Variants in ENPP1 observed in about 807,000 individuals in gnomAD.
ENPP1 encodes the protein ectonucleotide pyrophosphatase/phosphodiesterase family member 1.
In ENPP1, 73 loss-of-function variants were observed where a neutral mutation model predicts 122.8. That is an observed-to-expected ratio of 0.59 (90% CI 0.49 to 0.72). The LOEUF (loss-of-function observed/expected upper bound fraction) is 0.72, where lower values mean the gene tolerates loss of function less well. ENPP1 is among the 30% of genes least tolerant of loss of function. The pLI is 0.00. For synonymous variants in ENPP1, 367 were observed against 391.6 expected, an observed-to-expected ratio of 0.94 and a Z score of 0.74; for missense variants, 978 against 1,128.1, an observed-to-expected ratio of 0.87 and a Z score of 1.91.
chr6:131,845,043 GTTTTTTTTTTTT>G (rs142380855), intron 1 of ENPP1, among the ~76,000 whole-genome samples: 7 of 84,984 alleles, frequency 8.2e-5, no homozygotes, highest in South Asian at 3.9e-4. Flanking sequence ...ATTCTTCATG[GTTTTTTTTTTTT>G]TTTTTTTTTT....
Position 131,891,673 on chromosome 6 carries a change from G to A in ENPP1, c.*1162G>A, listed in dbSNP as rs891815723. 6.6e-6 allele frequency: 1 copy of A among 151,530 alleles called. No homozygotes were observed. The allele number at this position is 151,530 out of a possible 1,614,324, so 9.4% of individuals were successfully genotyped here. The stretch of plus-strand genomic sequence containing the variant: ...TCCTTCGTGTGACCATTCTTCAACG[G>A]CCTAAGGGCCAGCTGCAAAGACTTT... On this transcript the variant is annotated 3_prime_UTR_variant, in exon 25 of 25. Transcript: ENST00000647893.
intron 1 of ENPP1, among the ~76,000 whole-genome samples, chr6:131,835,517 A>G (rs1251468760): frequency 6.6e-6 from 1 of 152,096 alleles, no homozygotes; most frequent in African/African-American, 2.4e-5. Context: ...CCAAATCTAT[A>G]CTATGTTTAT....
intron 1 of ENPP1, among the ~76,000 whole-genome samples, chr6:131,847,476 A>G (rs1781823790): frequency 6.6e-6 from 1 of 152,180 alleles, no homozygotes; most frequent in Non-Finnish European, 1.5e-5. Context: ...CCCAGACTGG[A>G]AAAAAGAACA....
At chr6:131,824,738 G>A (rs1035333336) in intron 1 of ENPP1, among the ~76,000 whole-genome samples, 5 of 151,540 alleles carry the variant, frequency 3.3e-5, no homozygotes, top group South Asian at 4.3e-4. Flanking sequence ...ACAAGTATGA[G>A]CCACCGTGCC....
chr6:131,873,730 G>A lies in ENPP1; in HGVS notation c.1566-538G>A, dbSNP rs115120196. ...TAGTCATGATACATACCCCTGTCAA[G>A]CAAAACCTAAGCAGTGAACCAAAAT... On this transcript the variant is annotated intron_variant, in intron 15 of 24. Coordinates refer to ENST00000647893, the MANE Select transcript of ENPP1 (RefSeq NM_006208.3). 6.6e-3 allele frequency among the ~76,000 whole-genome samples: 998 copies of A among 151,818 alleles called. 26 individuals are homozygous for A. Among genetic ancestry groups the A allele is most frequent in the African/African-American group, 0.023 (955 of 41,382 alleles).
At chr6:131,816,494 G>A (rs1781416413) in intron 1 of ENPP1, among the ~76,000 whole-genome samples, 1 of 152,118 alleles carries the variant, frequency 6.6e-6, no homozygotes, top group Non-Finnish European at 1.5e-5. Flanking sequence ...GACCCAGCTC[G>A]AAAATCCCTT....
intron 1 of ENPP1, among the ~76,000 whole-genome samples, chr6:131,832,410 T>A (rs1045667493): frequency 1.3e-5 from 2 of 152,194 alleles, no homozygotes; most frequent in Non-Finnish European, 2.9e-5. Flanking sequence ...AATAACCAGG[T>A]TATTCCCTCA....
rs566146715 is a variant in ENPP1, at chr6:131,863,392, C to T, written c.1026-1114C>T. Reference sequence around the variant, plus strand: ...CTTTGGCCGATTTGAGCAAGATTACCGAAATAATTTTATTTATTTTTAAAT... The same window carrying T: ...CTTTGGCCGATTTGAGCAAGATTACTGAAATAATTTTATTTATTTTTAAAT... On this transcript the variant is annotated intron_variant, in intron 9 of 24. Transcript: ENST00000647893. 2.0e-4 allele frequency among the ~76,000 whole-genome samples: 30 copies of T among 152,018 alleles called. No individual in the cohort carries two copies. In the South Asian group the frequency reaches 4.8e-3, roughly 24 times the overall value.
chr6:131,836,999 T>C (rs923138523), intron 1 of ENPP1, among the ~76,000 whole-genome samples: 2 of 152,250 alleles, frequency 1.3e-5, no homozygotes, highest in East Asian at 3.9e-4. Context: ...TACTACCTTA[T>C]GTGTGGATCT....
chr6:131,879,010 A>G (rs1269167659), intron 19 of ENPP1, among the ~76,000 whole-genome samples: 2 of 152,234 alleles, frequency 1.3e-5, no homozygotes, highest in African/African-American at 4.8e-5. Context: ...ACTTTTGACC[A>G]AAAATCAAGG....
At chr6:131,856,414 G>A (rs976144613) in intron 6 of ENPP1, among the ~76,000 whole-genome samples, 3 of 150,160 alleles carry the variant, frequency 2.0e-5, no homozygotes, top group East Asian at 2.0e-4. Context: ...AGTAGGTTGC[G>A]AAAATTTTCT....
chr6:131,811,940 A>G (rs1465757862), intron 1 of ENPP1, among the ~76,000 whole-genome samples: 1 of 152,172 alleles, frequency 6.6e-6, no homozygotes, highest in African/African-American at 2.4e-5. Context: ...GTCCCATGTC[A>G]GAGGGAATGA....
chr6:131,817,991 A>G (rs879472503), intron 1 of ENPP1, among the ~76,000 whole-genome samples: 2 of 152,022 alleles, frequency 1.3e-5, no homozygotes, highest in African/African-American at 2.4e-5. Flanking sequence ...CTTAAAAAAA[A>G]ATCACTATCT....
chr6:131,872,024 T>TA (rs780528437), intron 13 of ENPP1, 46 bp from the exon 14 acceptor site: 3 of 1,330,320 alleles, frequency 2.3e-6, no homozygotes, highest in Non-Finnish European at 3.2e-6. Context: ...ATGTTTTAAT[T>TA]ATAGTATACA....
In ENPP1 at chr6:131,835,021, G is replaced by A. The variant is rs184220575; in HGVS notation, c.241-12755G>A. ...CAACTCTTTTTGTTTATTGATAAAG[G>A]GACATAAATAATGTAACTTTCTCAA... On this transcript the variant is annotated intron_variant, in intron 1 of 24. Transcript: ENST00000647893. Among the ~76,000 whole-genome samples the A allele has an allele frequency of 9.4e-4, 143 of 152,160 alleles. 2 individuals are homozygous for A. Among genetic ancestry groups the A allele is most frequent in the Admixed American group, 1.3e-3 (20 of 15,294 alleles).
At chr6:131,834,728 G>T (rs1174072952) in intron 1 of ENPP1, among the ~76,000 whole-genome samples, 2 of 131,664 alleles carry the variant, frequency 1.5e-5, no homozygotes, top group Admixed American at 8.0e-5. Context: ...TAGAGACGGG[G>T]TTTCACCATT....
chr6:131,822,160 G>A (rs1781491729), intron 1 of ENPP1, among the ~76,000 whole-genome samples: 1 of 152,166 alleles, frequency 6.6e-6, no homozygotes. Flanking sequence ...TCAGCACAAA[G>A]GAGGTAAATG....
intron 15 of ENPP1, among the ~76,000 whole-genome samples, chr6:131,873,946 A>C (rs9398997): frequency 1.3e-5 from 2 of 152,160 alleles, no homozygotes; most frequent in Non-Finnish European, 2.9e-5. Context: ...AATAACCGAC[A>C]TGAGAAATTG....
intron 19 of ENPP1, 65 bp from the exon 20 acceptor site, chr6:131,879,815 G>GT (rs1782277862): frequency 7.2e-7 from 1 of 1,387,304 alleles, no homozygotes; most frequent in East Asian, 2.3e-5. Context: ...TTAGATGAGT[G>GT]TATCACACTA....
Sources: gnomAD v4.1 joint callset for allele counts (sites outside exome capture counted in the v4.1 genomes callset) on GRCh38, gnomAD v4.1.1 for gene constraint, MANE v1.5 for transcripts, NCBI Gene and HGNC (gene_info 2026-07-23, HGNC 2026-07-21) for gene names.